Variants in PFKFB3 observed in about 807,000 individuals in gnomAD.
PFKFB3 encodes the protein 6-phosphofructo-2-kinase/fructose-2,6-bisphosphatase 3.
In PFKFB3, 33 loss-of-function variants were observed where a neutral mutation model predicts 68.0. The observed-to-expected ratio is 0.49, with a 90% CI of 0.37 to 0.65. PFKFB3 has a LOEUF of 0.65. Ranked by LOEUF, PFKFB3 falls within the 30% of genes least tolerant of loss-of-function variation. The probability of loss-of-function intolerance (pLI) is 0.00; values close to 1 mark genes in which losing one functional copy is unlikely to be tolerated. For missense variants in PFKFB3, 586 were observed against 712.2 expected (o/e 0.82, Z 2.02); for synonymous variants, 315 against 288.2 (o/e 1.09, Z -0.94).
Position 6,228,263 on chromosome 10 carries a change from C to T in PFKFB3, c.1515+1898C>T, listed in dbSNP as rs1297121243. The stretch of plus-strand genomic sequence containing the variant: ...TCGCTGCTGCTTGCACTGCTTTCTT[C>T]CTGCTTGCTCATTTGGCCTCCTGCC... On this transcript the variant is annotated intron_variant, in intron 14 of 14. Transcript: ENST00000379775. This position sits in a 1 kb window ranked among gnomAD's most constrained non-coding sequence, Gnocchi z 4.5. 14 of 1,609,756 alleles carry T rather than the reference C, an allele frequency of 8.7e-6. No individual in the cohort carries two copies. Among genetic ancestry groups the T allele is most frequent in the South Asian group, 2.2e-5 (2 of 91,034 alleles).
chr10:6,301,600 C>T, the PFKFB3 span, among the ~76,000 whole-genome samples: 1 of 152,062 alleles, frequency 6.6e-6, no homozygotes, highest in Admixed American at 6.6e-5. Flanking sequence ...AGGAAAGTAC[C>T]CTTTTATTTT....
chr10:6,238,335 T>C (rs1846066459), downstream of PFKFB3, among the ~76,000 whole-genome samples: 2 of 151,854 alleles, frequency 1.3e-5, no homozygotes, highest in African/African-American at 4.8e-5. Context: ...CGGCTAAGTT[T>C]TATATTTTTA....
At chr10:6,188,971 A>G (rs1842950954) in intron 1 of PFKFB3, among the ~76,000 whole-genome samples, 1 of 151,540 alleles carries the variant, frequency 6.6e-6, no homozygotes, top group Non-Finnish European at 1.5e-5. Flanking sequence ...AGTAGCTGGG[A>G]CTACAGGCGC....
At chr10:6,190,345 C>A (rs1272774075) in intron 1 of PFKFB3, among the ~76,000 whole-genome samples, 1 of 152,220 alleles carries the variant, frequency 6.6e-6, no homozygotes, top group Non-Finnish European at 1.5e-5. Context: ...CAGATTCCGT[C>A]GTTCCTTCTG....
chr10:6,202,964 C>G lies in PFKFB3; in HGVS notation c.-297C>G, dbSNP rs1246748697. 1 of 1,284,952 alleles carries G rather than the reference C, an allele frequency of 7.8e-7. No homozygotes were observed. The highest frequency in any genetic ancestry group is 9.8e-7 in the Non-Finnish European group (1 of 1,015,362). 79.6% of individuals were successfully genotyped at this position (1,284,952 alleles called of 1,614,324 possible). ...CCGGAGAGGAGGCGAGCAGCAGGGC[C>G]TGGTGGCGAGAGCGCGGCTGTCACT... is the stretch of plus-strand genomic sequence containing the variant. On this transcript the variant is annotated 5_prime_UTR_variant, in exon 1 of 15. Coordinates refer to ENST00000379775, the MANE Select transcript of PFKFB3 (RefSeq NM_004566.4).
At chr10:6,161,975 C>T (rs145740457) in intron 1 of PFKFB3, among the ~76,000 whole-genome samples, 330 of 152,234 alleles carry the variant, frequency 2.2e-3, no homozygotes, top group African/African-American at 7.3e-3. Flanking sequence ...ACAACCATCA[C>T]CACCAACCAT....
At chr10:6,155,393 AC>A (rs1441357902) in intron 1 of PFKFB3, among the ~76,000 whole-genome samples, 1 of 151,310 alleles carries the variant, frequency 6.6e-6, no homozygotes, top group East Asian at 1.9e-4. Context: ...TTTCATAGAG[AC>A]GGGGTTTCAC....
At chr10:6,161,796 C>G (rs923882115) in intron 1 of PFKFB3, among the ~76,000 whole-genome samples, 3 of 152,110 alleles carry the variant, frequency 2.0e-5, no homozygotes, top group African/African-American at 4.8e-5. Context: ...CCATGCCTGG[C>G]TAATTTTTTA....
chr10:6,253,749 G>A (rs1272515379), intron 14 of PFKFB3, among the ~76,000 whole-genome samples: 1 of 152,058 alleles, frequency 6.6e-6, no homozygotes. Flanking sequence ...TCTTCAGGAA[G>A]GTGATATGCT....
downstream of PFKFB3, among the ~76,000 whole-genome samples, chr10:6,236,304 G>A (rs183157367): frequency 1.4e-3 from 220 of 152,328 alleles, no homozygotes; most frequent in African/African-American, 4.8e-3. Flanking sequence ...CAGCCTCAGC[G>A]TCTGCATCTC....
At chr10:6,181,121 C>T (rs925476145) in intron 1 of PFKFB3, among the ~76,000 whole-genome samples, 12 of 152,128 alleles carry the variant, frequency 7.9e-5, no homozygotes, top group Non-Finnish European at 1.6e-4. Flanking sequence ...CTCAAGCTAT[C>T]GCCCCACCTC....
At chr10:6,260,186 G>C in the PFKFB3 span, among the ~76,000 whole-genome samples, 1 of 152,106 alleles carries the variant, frequency 6.6e-6, no homozygotes, top group Non-Finnish European at 1.5e-5. Context: ...GGCTGAGGCA[G>C]GTGGATCACG....
In PFKFB3 at chr10:6,203,003, C is replaced by G; in HGVS notation, c.-258C>G. The G allele has an allele frequency of 7.4e-7, 1 of 1,360,398 alleles. No homozygotes were observed. Among genetic ancestry groups the G allele is most frequent in the East Asian group, 3.1e-5 (1 of 31,902 alleles). 84.3% of individuals were successfully genotyped at this position (1,360,398 alleles called of 1,614,324 possible). On this transcript the variant is annotated 5_prime_UTR_variant, in exon 1 of 15. Coordinates refer to ENST00000379775, the MANE Select transcript of PFKFB3 (RefSeq NM_004566.4). ...GCGGCTGTCACTGCGCCCGAGCATC[C>G]CAGAGCTTTCCGAGCGGACGAGCCG...
At position 6,203,359 on chromosome 10, in the gene PFKFB3, G is replaced by A. The variant is rs1436393647; in HGVS notation, c.76+23G>A. ...GATGTGAGTGCAGCTGCGCGGAGCC[G>A]GGTTGCAGGGCGGGCTGCGCCGGGC... On this transcript the variant is annotated intron_variant, in intron 1 of 14. Coordinates refer to ENST00000379775, the MANE Select transcript of PFKFB3 (RefSeq NM_004566.4). 1.9e-6 allele frequency: 3 copies of A among 1,566,732 alleles called. No individual in the cohort carries two copies. In the East Asian group the frequency reaches 7.2e-5, roughly 38 times the overall value.
intron 1 of PFKFB3, among the ~76,000 whole-genome samples, chr10:6,165,330 G>T (rs1842099934): frequency 1.3e-5 from 2 of 152,172 alleles, no homozygotes; most frequent in Non-Finnish European, 2.9e-5. Context: ...TAGGGTTGGG[G>T]CTACAGTTAC....
intron 4 of PFKFB3, 70 bp from the exon 5 acceptor site, chr10:6,216,636 T>C (rs1844607243): frequency 9.3e-7 from 1 of 1,069,824 alleles, no homozygotes. Context: ...CTGGCATCTT[T>C]GCTGTTCTGG....
intron 1 of PFKFB3, among the ~76,000 whole-genome samples, chr10:6,208,159 T>C (rs11257278): frequency 0.32 from 48,498 of 151,920 alleles, 7,846 homozygotes; most frequent in Middle Eastern, 0.45. Context: ...ATTGAAGCCT[T>C]GAACTCCTGG....
chr10:6,254,371 G>C (rs1846456542), exon 15 of PFKFB3: 1 of 398,414 alleles, frequency 2.5e-6, no homozygotes, highest in Admixed American at 4.4e-5. Context: ...GGCTCCTAAT[G>C]ATACCTGGCT....
Position 6,224,165 on chromosome 10 carries a change from C to T in PFKFB3, c.1293C>T (p.Ser431=), listed in dbSNP as rs35050271. The change falls in exon 13 of 15, where the codon TCC becomes TCT. Residue 431 remains serine (S), a synonymous_variant. Transcript: ENST00000379775. ...GCCCTCCAGGCTGCCGTGTGGAATC[C>T]ATCTACCTGAACGTGGAGTCCGTCT... ...TPVAYGCRVE[S]IYLNVESVCT... 0.011 allele frequency: 17,749 copies of T among 1,614,166 alleles called. 146 individuals are homozygous for T. Among genetic ancestry groups the T allele is most frequent in the Non-Finnish European group, 0.013 (15,683 of 1,179,986 alleles).
Sources: allele counts gnomAD v4.1 joint callset (sites outside exome capture counted in the v4.1 genomes callset), GRCh38; gene constraint gnomAD v4.1.1; non-coding constraint Gnocchi (gnomAD v3.1); transcripts MANE v1.5; gene names NCBI Gene and HGNC (gene_info 2026-07-23, HGNC 2026-07-21).